ELP4: variants seen among roughly 807,000 people sequenced by gnomAD.
The protein encoded by ELP4 is elongator complex protein 4.
In ELP4, 51 loss-of-function variants were observed where a neutral mutation model predicts 48.9. The ratio of observed to expected loss-of-function variants is 1.04; its 90% CI spans 0.83 to 1.32. ELP4 has a LOEUF of 1.32. Ranked by LOEUF, ELP4 falls within the 40% of genes most tolerant of loss-of-function variation. The pLI, the probability that ELP4 is intolerant of heterozygous loss-of-function variation, is 0.00. For synonymous variants in ELP4, 210 were observed against 189.2 expected, an observed-to-expected ratio of 1.11 and a Z score of -0.90; for missense variants, 519 against 514.6, an observed-to-expected ratio of 1.01 and a Z score of -0.08.
chr11:31,510,461 C>G (rs1440095277), intron 1 of ELP4: 3 of 411,050 alleles, frequency 7.3e-6, no homozygotes, highest in Non-Finnish European at 1.3e-5. Context: ...GATTTCCCCT[C>G]TTTGACCGTC....
chr11:31,546,186 T>C (rs1232750791), intron 3 of ELP4, among the ~76,000 whole-genome samples: 3 of 151,994 alleles, frequency 2.0e-5, no homozygotes, highest in Admixed American at 6.6e-5. Context: ...AGACACAGAC[T>C]GGCAAATTGG....
chr11:31,739,487 A>G (rs1055110493), intron 9 of ELP4, among the ~76,000 whole-genome samples: 3 of 152,176 alleles, frequency 2.0e-5, no homozygotes, highest in Admixed American at 1.3e-4. Flanking sequence ...CAATAATTTC[A>G]GAATACTTCT....
At chr11:31,700,726 A>G (rs1189375643) in intron 9 of ELP4, among the ~76,000 whole-genome samples, 1 of 152,076 alleles carries the variant, frequency 6.6e-6, no homozygotes, top group Non-Finnish European at 1.5e-5. Flanking sequence ...AAAGTGTCAG[A>G]TTTACAAAAA....
intron 3 of ELP4, among the ~76,000 whole-genome samples, chr11:31,553,199 A>G (rs190070248): frequency 4.6e-5 from 7 of 152,202 alleles, no homozygotes; most frequent in Admixed American, 2.6e-4. Context: ...ATTCATTGCT[A>G]TATTTCTATT....
intron 7 of ELP4, among the ~76,000 whole-genome samples, chr11:31,637,018 A>AT (rs1213138954): frequency 1.3e-5 from 2 of 151,888 alleles, no homozygotes; most frequent in Non-Finnish European, 2.9e-5. Context: ...GTGTGTGAAA[A>AT]TGGCTAAGTT....
chr11:31,741,474 A>T (rs1947447730), intron 9 of ELP4, among the ~76,000 whole-genome samples: 1 of 152,212 alleles, frequency 6.6e-6, no homozygotes, highest in Non-Finnish European at 1.5e-5. Flanking sequence ...ACCCCCGAGT[A>T]GCCTAACTGG....
chr11:31,568,155 A>G (rs762330095), intron 3 of ELP4, among the ~76,000 whole-genome samples: 1 of 152,242 alleles, frequency 6.6e-6, no homozygotes, highest in Non-Finnish European at 1.5e-5. Context: ...ATTTCTATAC[A>G]CCAATAATCA....
chr11:31,673,568 A>G (rs1048563863), intron 9 of ELP4, among the ~76,000 whole-genome samples: 7 of 151,860 alleles, frequency 4.6e-5, no homozygotes, highest in African/African-American at 1.2e-4. Context: ...GCCTCAAGCA[A>G]TCCTCCTCCC....
chr11:31,790,154 A>G lies in ELP4; in HGVS notation c.*6630A>G. ...TTCTAACATTTTTTACTGTATTAAA[A>G]TCACTTCAATTGTTACAAATAAAAG... On this transcript the variant is annotated 3_prime_UTR_variant, in exon 10 of 10. Coordinates refer to ENST00000640961, the MANE Select transcript of ELP4 (RefSeq NM_019040.5). 1.5e-6 allele frequency: 1 copy of G among 688,564 alleles called. No homozygotes were observed. Among genetic ancestry groups the G allele is most frequent in the Non-Finnish European group, 2.5e-6 (1 of 403,960 alleles). The allele number at this position is 688,564 out of a possible 1,614,324, so 42.7% of individuals were successfully genotyped here. A position where few individuals can be genotyped will look rare whatever the true frequency, so the allele number is the denominator to read the frequency against.
chr11:31,715,293 A>T (rs916581530), intron 9 of ELP4, among the ~76,000 whole-genome samples: 6 of 152,322 alleles, frequency 3.9e-5, no homozygotes, highest in Non-Finnish European at 8.8e-5. Flanking sequence ...AAAGAAGGGA[A>T]TAAGAAGCCA....
chr11:31,547,937 C>A (rs1327697178), intron 3 of ELP4, among the ~76,000 whole-genome samples: 1 of 152,074 alleles, frequency 6.6e-6, no homozygotes, highest in Non-Finnish European at 1.5e-5. Flanking sequence ...AATTCAACAA[C>A]CCTTCATGCT....
chr11:31,701,041 T>A (rs988009752), intron 9 of ELP4, among the ~76,000 whole-genome samples: 3 of 152,076 alleles, frequency 2.0e-5, no homozygotes, highest in African/African-American at 7.2e-5. Context: ...CTTTTTAAAA[T>A]CTGATTTACC....
At chr11:31,693,107 C>A (rs1412952265) in intron 9 of ELP4, among the ~76,000 whole-genome samples, 1 of 152,086 alleles carries the variant, frequency 6.6e-6, no homozygotes. Flanking sequence ...CTCTCCACTG[C>A]CCACCCAAAG....
intron 9 of ELP4, among the ~76,000 whole-genome samples, chr11:31,673,845 A>G (rs1945860481): frequency 6.6e-6 from 1 of 152,226 alleles, no homozygotes; most frequent in Admixed American, 6.5e-5. Context: ...ACTAGTATTT[A>G]CTTCTTGATT....
At chr11:31,527,915 A>G (rs949058590) in intron 2 of ELP4, among the ~76,000 whole-genome samples, 1 of 151,636 alleles carries the variant, frequency 6.6e-6, no homozygotes, top group African/African-American at 2.4e-5. Context: ...TCCTCTCACT[A>G]TTCTTCCTCA....
At chr11:31,665,873 T>C (rs1656961670) in intron 9 of ELP4, among the ~76,000 whole-genome samples, 1 of 151,798 alleles carries the variant, frequency 6.6e-6, no homozygotes, top group African/African-American at 2.4e-5. Context: ...CAGGCTGGTC[T>C]TGAACTCCTG....
At position 31,786,198 on chromosome 11, in the gene ELP4, G is replaced by A; in HGVS notation, c.*2674G>A. 5.1e-6 allele frequency: 1 copy of A among 197,656 alleles called. No homozygotes were observed. Among genetic ancestry groups the A allele is most frequent in the Admixed American group, 6.1e-5 (1 of 16,510 alleles). The allele number at this position is 197,656 out of a possible 1,614,324, so 12.2% of individuals were successfully genotyped here. On this transcript the variant is annotated 3_prime_UTR_variant, in exon 10 of 10. Coordinates refer to ENST00000640961, the MANE Select transcript of ELP4 (RefSeq NM_019040.5). ...CTACTTTAGAAGGAAGCGACACTCT[G>A]CAATCAATTCCCTGTCCATCTTTTA... is the stretch of plus-strand genomic sequence containing the variant.
At chr11:31,687,729 A>G (rs1946191392) in intron 9 of ELP4, 1 of 152,126 alleles carries the variant, frequency 6.6e-6, no homozygotes, top group Admixed American at 6.5e-5. Flanking sequence ...TAATTTTTCA[A>G]TTATTTTGCT....
chr11:31,744,817 T>C (rs1254447144), intron 9 of ELP4, among the ~76,000 whole-genome samples: 2 of 152,094 alleles, frequency 1.3e-5, no homozygotes, highest in Non-Finnish European at 2.9e-5. Context: ...GCATTCCCTT[T>C]GAAAACTGGC....
Sources: gnomAD v4.1 joint callset for allele counts (sites outside exome capture counted in the v4.1 genomes callset) on GRCh38, gnomAD v4.1.1 for gene constraint, MANE v1.5 for transcripts, NCBI Gene and HGNC (gene_info 2026-07-23, HGNC 2026-07-21) for gene names.